The following DAP variants were observed in gnomAD, a reference collection of about 807,000 sequenced individuals.
DAP encodes the protein death associated protein, also known as death-associated protein 1.
A neutral mutation model predicts 13.8 loss-of-function variants in DAP; 8 were observed. The observed-to-expected ratio is 0.58, with a 90% CI of 0.34 to 1.05. The LOEUF is 1.05. DAP is among the 50% of genes least tolerant of loss of function. The pLI is 0.03. For synonymous variants in DAP, 47 were observed against 47.5 expected, an observed-to-expected ratio of 0.99 and a Z score of 0.04; for missense variants, 106 against 133.2, an observed-to-expected ratio of 0.80 and a Z score of 1.01.
At chr5:10,706,679 TTA>T (rs1738704600) in intron 2 of DAP, among the ~76,000 whole-genome samples, 1 of 152,166 alleles carries the variant, frequency 6.6e-6, no homozygotes, top group Non-Finnish European at 1.5e-5. Context: ...TGTCTCTTGT[TTA>T]TGAGACAAAA....
chr5:10,698,317 G>A (rs1433364871), intron 2 of DAP, among the ~76,000 whole-genome samples: 6 of 145,936 alleles, frequency 4.1e-5, no homozygotes, highest in Non-Finnish European at 9.0e-5. Context: ...AGAGAGCAAG[G>A]TCAAGTAGAC....
intron 2 of DAP, among the ~76,000 whole-genome samples, chr5:10,743,713 G>A (rs1561031949): frequency 2.0e-5 from 3 of 152,020 alleles, no homozygotes; most frequent in South Asian, 2.1e-4. Context: ...TATGACACTC[G>A]ACAAAAGGCT....
intron 2 of DAP, chr5:10,747,970 AG>A (rs1739951928): frequency 2.0e-6 from 1 of 508,522 alleles, no homozygotes; most frequent in South Asian, 2.1e-5. Context: ...GCAACTGCTC[AG>A]GAAAGAGGAC....
rs115010458 is a variant in DAP, at chr5:10,753,171, G to A, written c.56-4900C>T. ...TCATCACCACTCTGTGGCAGGCACCGCTCTAACCACTTGGAGTCCACGCAT... is the reference window on the plus strand; with the variant it reads ...TCATCACCACTCTGTGGCAGGCACCACTCTAACCACTTGGAGTCCACGCAT... On this transcript the variant is annotated intron_variant, in intron 1 of 3. Transcript: ENST00000230895. Among the ~76,000 whole-genome samples, 647 of 152,282 alleles carry A rather than the reference G, an allele frequency of 4.2e-3. 6 individuals are homozygous for A. The highest frequency in any genetic ancestry group is 0.014 in the African/African-American group (600 of 41,554).
At chr5:10,754,335 G>A (rs1400574888) in intron 1 of DAP, among the ~76,000 whole-genome samples, 1 of 152,148 alleles carries the variant, frequency 6.6e-6, no homozygotes, top group Non-Finnish European at 1.5e-5. Context: ...GCATAGATAA[G>A]GTAGAAGTAA....
intron 2 of DAP, among the ~76,000 whole-genome samples, chr5:10,705,932 T>C (rs1330253253): frequency 1.3e-5 from 2 of 152,204 alleles, no homozygotes; most frequent in East Asian, 1.9e-4. Flanking sequence ...CCCTGAATCA[T>C]GTGAGAGCCC....
Position 10,679,470 on chromosome 5 carries a change from A to G in DAP, c.*1586T>C, listed in dbSNP as rs1037334425. On this transcript the variant is annotated 3_prime_UTR_variant, in exon 4 of 4. Coordinates refer to ENST00000230895, the MANE Select transcript of DAP (RefSeq NM_004394.3). Reference sequence around the variant, plus strand: ...GCAGCGGCAGGGCAGGGGTCTGCACAGGCCTGACCTGGTGTTGCTGGAGCG... The same window carrying G: ...GCAGCGGCAGGGCAGGGGTCTGCACGGGCCTGACCTGGTGTTGCTGGAGCG... 6.6e-6 allele frequency: 1 copy of G among 152,392 alleles called. No individual in the cohort carries two copies. Among genetic ancestry groups the G allele is most frequent in the African/African-American group, 2.4e-5 (1 of 41,458 alleles). The allele number at this position is 152,392 out of a possible 1,614,324, so 9.4% of individuals were successfully genotyped here.
chr5:10,723,020 G>T (rs528929394), intron 2 of DAP, among the ~76,000 whole-genome samples: 75 of 152,294 alleles, frequency 4.9e-4, no homozygotes, highest in African/African-American at 1.6e-3. Flanking sequence ...GCCATTAGAA[G>T]GGACAGCCAT....
At chr5:10,713,766 T>G (rs964631920) in intron 2 of DAP, among the ~76,000 whole-genome samples, 11 of 152,222 alleles carry the variant, frequency 7.2e-5, no homozygotes, top group Non-Finnish European at 1.3e-4. Flanking sequence ...GCTGGGCAAG[T>G]GCTGCTGTGT....
chr5:10,687,373 G>C (rs1738181885), intron 2 of DAP, among the ~76,000 whole-genome samples: 1 of 152,142 alleles, frequency 6.6e-6, no homozygotes, highest in African/African-American at 2.4e-5. Context: ...AAACCTTCTG[G>C]AAAGAATTTA....
chr5:10,758,609 G>A (rs1180324927), intron 1 of DAP, among the ~76,000 whole-genome samples: 1 of 152,170 alleles, frequency 6.6e-6, no homozygotes, highest in Admixed American at 6.5e-5. Context: ...CCCTGATGCT[G>A]AAGCGGGACG....
chr5:10,687,928 T>TA lies in DAP; in HGVS notation c.153-4358dup, dbSNP rs1553998729. Among the ~76,000 whole-genome samples, 566 of 139,486 alleles carry TA rather than the reference T, an allele frequency of 4.1e-3. 2 individuals carry two copies. Among genetic ancestry groups the TA allele is most frequent in the African/African-American group, 0.014 (515 of 36,684 alleles). The allele number at this position is 139,486 out of a possible 152,430, so 91.5% of individuals were successfully genotyped here. On this transcript the variant is annotated intron_variant, in intron 2 of 3. Coordinates refer to ENST00000230895, the MANE Select transcript of DAP (RefSeq NM_004394.3). ...GTCTTTTTTTTTTTTTTTTTTTTTT[T>TA]ACAGAGGGAGAGGGTCTCACTCTGT...
intron 2 of DAP, among the ~76,000 whole-genome samples, chr5:10,737,586 T>C (rs1463590616): frequency 2.0e-5 from 3 of 152,194 alleles, no homozygotes; most frequent in African/African-American, 4.8e-5. Flanking sequence ...ATGCAGATCA[T>C]GGCTAAAGAT....
At chr5:10,728,491 C>T (rs1739348684) in intron 2 of DAP, among the ~76,000 whole-genome samples, 1 of 152,184 alleles carries the variant, frequency 6.6e-6, no homozygotes, top group African/African-American at 2.4e-5. Context: ...ATTTTCAGAG[C>T]TTCAGGGAAA....
chr5:10,752,975 C>T (rs561513990), intron 1 of DAP, among the ~76,000 whole-genome samples: 2 of 152,294 alleles, frequency 1.3e-5, no homozygotes, highest in South Asian at 4.1e-4. Flanking sequence ...AGCTCTTCAC[C>T]CTCTCTTCAC....
intron 2 of DAP, among the ~76,000 whole-genome samples, chr5:10,709,331 T>C (rs1738781658): frequency 6.6e-6 from 1 of 152,206 alleles, no homozygotes; most frequent in Admixed American, 6.5e-5. Flanking sequence ...AGTCCGACTA[T>C]GCGATGCTGC....
chr5:10,758,227 ACTAT>A (rs1740243459), intron 1 of DAP, among the ~76,000 whole-genome samples: 2 of 150,520 alleles, frequency 1.3e-5, no homozygotes, highest in South Asian at 2.1e-4. Flanking sequence ...TTTTTTAAAA[ACTAT>A]CTACCCTTCA....
chr5:10,720,437 G>T (rs962717829), intron 2 of DAP, among the ~76,000 whole-genome samples: 1 of 152,200 alleles, frequency 6.6e-6, no homozygotes, highest in African/African-American at 2.4e-5. Flanking sequence ...CAAAAACTGT[G>T]AAGATATTTG....
chr5:10,701,036 C>T (rs1387385096), intron 2 of DAP, among the ~76,000 whole-genome samples: 2 of 152,212 alleles, frequency 1.3e-5, no homozygotes, highest in Admixed American at 6.5e-5. Context: ...CAAGCTGTCA[C>T]CTTAGAAACC....
Sources: allele counts gnomAD v4.1 joint callset (sites outside exome capture counted in the v4.1 genomes callset), GRCh38; gene constraint gnomAD v4.1.1; transcripts MANE v1.5; gene names NCBI Gene and HGNC (gene_info 2026-07-23, HGNC 2026-07-21).